PDE7B: variants seen among roughly 807,000 people sequenced by gnomAD.
PDE7B encodes the protein phosphodiesterase 7B, also known as 3',5'-cyclic-AMP phosphodiesterase 7B.
PDE7B carries 29 observed loss-of-function variants against 56.2 expected under a neutral mutation model. That is an observed-to-expected ratio of 0.52 (90% confidence interval 0.38 to 0.70). The LOEUF is 0.70. PDE7B is among the 30% of genes least tolerant of loss of function. PDE7B has a pLI of 0.00. For missense variants in PDE7B, 490 were observed against 565.0 expected (o/e 0.87, Z 1.35); for synonymous variants, 197 against 196.9 (o/e 1.00, Z 0.00).
intron 1 of PDE7B, among the ~76,000 whole-genome samples, chr6:135,858,883 C>A (rs181694477): frequency 6.6e-6 from 1 of 151,748 alleles, no homozygotes; most frequent in African/African-American, 2.4e-5. Flanking sequence ...TTATTCAAAC[C>A]GTGTTTAAGG....
chr6:135,918,702 A>G (rs866526422), intron 1 of PDE7B, among the ~76,000 whole-genome samples: 19 of 152,320 alleles, frequency 1.2e-4, no homozygotes, highest in African/African-American at 4.3e-4. Context: ...TTTATTATAA[A>G]AGATAGCTCC....
intron 1 of PDE7B, among the ~76,000 whole-genome samples, chr6:135,898,562 T>C (rs1436765293): frequency 6.6e-6 from 1 of 152,128 alleles, no homozygotes; most frequent in African/African-American, 2.4e-5. Flanking sequence ...CTACCACCCA[T>C]AGAACATAGA....
chr6:136,190,904 G>A (rs773640548), intron 12 of PDE7B, among the ~76,000 whole-genome samples: 18 of 151,872 alleles, frequency 1.2e-4, no homozygotes, highest in Non-Finnish European at 1.9e-4. Flanking sequence ...TATCCCACAG[G>A]GTAAGGGTAT....
At chr6:136,130,050 T>C (rs944131756) in intron 3 of PDE7B, among the ~76,000 whole-genome samples, 2 of 152,196 alleles carry the variant, frequency 1.3e-5, no homozygotes, top group Non-Finnish European at 2.9e-5. Context: ...TATGTAAGCT[T>C]GTTCTCAGAG....
At chr6:135,908,617 T>C (rs964677460) in intron 1 of PDE7B, among the ~76,000 whole-genome samples, 1 of 152,210 alleles carries the variant, frequency 6.6e-6, no homozygotes, top group Non-Finnish European at 1.5e-5. Context: ...CATTGTATTA[T>C]ATTCACACAT....
At chr6:135,906,817 T>TG (rs1424366002) in intron 1 of PDE7B, among the ~76,000 whole-genome samples, 76 of 145,002 alleles carry the variant, frequency 5.2e-4, no homozygotes, top group Non-Finnish European at 1.0e-3. Context: ...TTTGTTTTTT[T>TG]TTTTTTTTTT....
intron 1 of PDE7B, among the ~76,000 whole-genome samples, chr6:135,886,061 C>G (rs1294452788): frequency 6.6e-6 from 1 of 152,158 alleles, no homozygotes; most frequent in Non-Finnish European, 1.5e-5. Context: ...ATATCAACCC[C>G]CGTCACATTT....
At chr6:136,043,212 T>C (rs1583844515) in intron 2 of PDE7B, among the ~76,000 whole-genome samples, 1 of 152,230 alleles carries the variant, frequency 6.6e-6, no homozygotes, top group East Asian at 1.9e-4. Context: ...TCATTAATAA[T>C]TTAAAGCATC....
intron 3 of PDE7B, among the ~76,000 whole-genome samples, chr6:136,118,296 A>T (rs537414479): frequency 6.6e-6 from 1 of 152,320 alleles, no homozygotes; most frequent in Admixed American, 6.5e-5. Flanking sequence ...TACATCTCCC[A>T]GAAAGCATTA....
chr6:136,090,605 A>G (rs958165477), intron 2 of PDE7B, among the ~76,000 whole-genome samples: 3 of 152,204 alleles, frequency 2.0e-5, no homozygotes, highest in South Asian at 2.1e-4. Context: ...GTGAGTACAC[A>G]TTGTTGTCAA....
chr6:135,943,449 GATAGTCT>G (rs1425727670), intron 1 of PDE7B, among the ~76,000 whole-genome samples: 5 of 152,198 alleles, frequency 3.3e-5, no homozygotes, highest in African/African-American at 1.2e-4. Flanking sequence ...TAAAAGTAAA[GATAGTCT>G]ATTTGGCCAA....
chr6:135,913,627 A>T (rs1206870443), intron 1 of PDE7B, among the ~76,000 whole-genome samples: 1 of 152,172 alleles, frequency 6.6e-6, no homozygotes, highest in Non-Finnish European at 1.5e-5. Context: ...AAAAGAAAAA[A>T]AGTTTCCTTT....
chr6:136,154,867 C>T (rs755466519), intron 7 of PDE7B, among the ~76,000 whole-genome samples: 1 of 152,200 alleles, frequency 6.6e-6, no homozygotes, highest in Non-Finnish European at 1.5e-5. Flanking sequence ...TTTTTAACAT[C>T]CCCCTACATA....
intron 3 of PDE7B, among the ~76,000 whole-genome samples, chr6:136,132,889 C>T (rs1291070613): frequency 2.0e-5 from 3 of 152,138 alleles, no homozygotes; most frequent in African/African-American, 7.2e-5. Flanking sequence ...ACCAAGAATA[C>T]AGACATGATT....
intron 1 of PDE7B, among the ~76,000 whole-genome samples, chr6:135,912,602 C>T (rs1053321386): frequency 6.6e-6 from 1 of 151,882 alleles, no homozygotes; most frequent in African/African-American, 2.4e-5. Flanking sequence ...AGAGAACAAG[C>T]AGGAGAGATC....
chr6:136,069,010 G>A (rs1407980444), intron 2 of PDE7B, among the ~76,000 whole-genome samples: 1 of 152,132 alleles, frequency 6.6e-6, no homozygotes, highest in African/African-American at 2.4e-5. Flanking sequence ...TAATGTCAGT[G>A]CTGGTCACCT....
At position 136,119,707 on chromosome 6, in the gene PDE7B, T is replaced by C. The variant is rs114114083; in HGVS notation, c.166+10893T>C. On this transcript the variant is annotated intron_variant, in intron 3 of 12. Coordinates refer to ENST00000308191, the MANE Select transcript of PDE7B (RefSeq NM_018945.4). ...AAAAATCATTGAGCCCAGTTTTTCA[T>C]TTTATAAGCAAACAAAAACAAAAAA... 4.8e-3 allele frequency among the ~76,000 whole-genome samples: 735 copies of C among 152,342 alleles called. 3 individuals are homozygous for C. Among genetic ancestry groups the C allele is most frequent in the African/African-American group, 0.017 (712 of 41,586 alleles).
At chr6:136,160,279 G>A (rs963767652) in intron 8 of PDE7B, among the ~76,000 whole-genome samples, 3 of 152,268 alleles carry the variant, frequency 2.0e-5, no homozygotes, top group East Asian at 1.9e-4. Flanking sequence ...TTCTAGAACC[G>A]GTTAGGGTTT....
chr6:136,179,190 G>C, intron 10 of PDE7B, 49 bp downstream of exon 10: 1 of 1,578,692 alleles, frequency 6.3e-7, no homozygotes, highest in Non-Finnish European at 8.7e-7. Context: ...AAAACACTCA[G>C]CTGGGCTGGG....
Sources: gnomAD v4.1 joint callset for allele counts (sites outside exome capture counted in the v4.1 genomes callset) on GRCh38, gnomAD v4.1.1 for gene constraint, MANE v1.5 for transcripts, NCBI Gene and HGNC (gene_info 2026-07-23, HGNC 2026-07-21) for gene names.